Variants in ARHGAP42 observed in about 807,000 individuals in gnomAD.
ARHGAP42 encodes Rho GTPase activating protein 42.
Under a neutral mutation model 125.0 loss-of-function variants are expected in ARHGAP42, and 63 were observed. The ratio of observed to expected loss-of-function variants is 0.50; its 90% CI spans 0.41 to 0.62. ARHGAP42 has a LOEUF of 0.62. Among genes scored for constraint, ARHGAP42 ranks in the 20% least tolerant of loss-of-function variants. The pLI, the probability that ARHGAP42 is intolerant of heterozygous loss-of-function variation, is 0.00. For synonymous variants in ARHGAP42, 339 were observed against 351.0 expected, an observed-to-expected ratio of 0.97 and a Z score of 0.38; for missense variants, 766 against 1,024.2, an observed-to-expected ratio of 0.75 and a Z score of 3.44.
intron 2 of ARHGAP42, among the ~76,000 whole-genome samples, chr11:100,771,531 T>C (rs930853914): frequency 6.6e-6 from 1 of 152,086 alleles, no homozygotes; most frequent in Non-Finnish European, 1.5e-5. Context: ...GGTGTAAAAA[T>C]ACAATACTAC....
At chr11:100,835,483 A>C (rs1591222404) in intron 3 of ARHGAP42, among the ~76,000 whole-genome samples, 1 of 152,034 alleles carries the variant, frequency 6.6e-6, no homozygotes, top group East Asian at 1.9e-4. Context: ...TAGCATTGTA[A>C]CTTTTCTAAA....
intron 1 of ARHGAP42, among the ~76,000 whole-genome samples, chr11:100,692,250 T>C (rs1861203426): frequency 6.6e-6 from 1 of 152,046 alleles, no homozygotes; most frequent in Non-Finnish European, 1.5e-5. Flanking sequence ...GACTCTTGTA[T>C]ACATTTAATT....
Position 100,915,696 on chromosome 11 carries a change from A to G in ARHGAP42, c.486+2143A>G, listed in dbSNP as rs144917788. Reference sequence around the variant, plus strand: ...CATGTTTAAGTGGAGGCTGGAGAAGATAATAGCATAGTAACATCCTCTCCC... The same window carrying G: ...CATGTTTAAGTGGAGGCTGGAGAAGGTAATAGCATAGTAACATCCTCTCCC... On this transcript the variant is annotated intron_variant, in intron 5 of 23. Transcript: ENST00000298815. 6.0e-3 allele frequency among the ~76,000 whole-genome samples: 911 copies of G among 152,286 alleles called. 5 individuals are homozygous for G. The highest frequency in any genetic ancestry group is 0.021 in the African/African-American group (871 of 41,570).
chr11:100,799,945 A>G (rs1374201393), intron 3 of ARHGAP42, among the ~76,000 whole-genome samples: 1 of 152,190 alleles, frequency 6.6e-6, no homozygotes, highest in Admixed American at 6.5e-5. Context: ...AGGAGTGGTT[A>G]TTTAATGTGC....
At position 100,794,075 on chromosome 11, in the gene ARHGAP42, C is replaced by CAAAAAAAAAAAA. The variant is rs869272420; in HGVS notation, c.251-1004_251-993dup. 2.7e-4 allele frequency among the ~76,000 whole-genome samples: 12 copies of CAAAAAAAAAAAA among 44,844 alleles called. 1 individual carries two copies. Among genetic ancestry groups the CAAAAAAAAAAAA allele is most frequent in the Non-Finnish European group, 4.3e-4 (10 of 23,314 alleles). 29.4% of individuals were successfully genotyped at this position (44,844 alleles called of 152,430 possible). A position where few individuals can be genotyped will look rare whatever the true frequency, so the allele number is the denominator to read the frequency against. On this transcript the variant is annotated intron_variant, in intron 2 of 23. Transcript: ENST00000298815. ...CGAACAACAGAGCTAGACCCTGTCT[C>CAAAAAAAAAAAA]AAAAAAAAAAAAAAAAAAAAAAAAA...
At chr11:100,834,132 G>A (rs1864726838) in intron 3 of ARHGAP42, among the ~76,000 whole-genome samples, 1 of 152,104 alleles carries the variant, frequency 6.6e-6, no homozygotes, top group African/African-American at 2.4e-5. Flanking sequence ...ACAGTTATAT[G>A]AAATACATTC....
intron 22 of ARHGAP42, 119 bp downstream of exon 22, chr11:100,979,168 G>T: frequency 2.2e-6 from 2 of 928,826 alleles, no homozygotes; most frequent in Non-Finnish European, 1.7e-6. Flanking sequence ...TCAAATTTAA[G>T]TCCACTGGCC....
chr11:100,794,311 C>T (rs946754004), intron 2 of ARHGAP42, among the ~76,000 whole-genome samples: 2 of 151,988 alleles, frequency 1.3e-5, no homozygotes, highest in South Asian at 2.1e-4. Context: ...TTTTTATTTG[C>T]TCCCACAATG....
intron 1 of ARHGAP42, among the ~76,000 whole-genome samples, chr11:100,751,704 C>T (rs1056597125): frequency 6.7e-6 from 1 of 148,718 alleles, no homozygotes; most frequent in Admixed American, 6.7e-5. Context: ...ACCAGGCCAG[C>T]AGGGAAGTGA....
intron 3 of ARHGAP42, among the ~76,000 whole-genome samples, chr11:100,845,458 C>T (rs2055735709): frequency 6.6e-6 from 1 of 151,896 alleles, no homozygotes; most frequent in African/African-American, 2.4e-5. Flanking sequence ...AAAGAACTTA[C>T]TAATGTAACC....
At chr11:100,898,683 T>G (rs780814149) in intron 4 of ARHGAP42, among the ~76,000 whole-genome samples, 4 of 152,184 alleles carry the variant, frequency 2.6e-5, no homozygotes, top group Non-Finnish European at 5.9e-5. Flanking sequence ...AGGTCGGTGG[T>G]GATATCCTCT....
intron 3 of ARHGAP42, among the ~76,000 whole-genome samples, chr11:100,848,555 G>A (rs1462308229): frequency 6.6e-6 from 1 of 151,272 alleles, no homozygotes; most frequent in Non-Finnish European, 1.5e-5. Context: ...CCAGGCTGGA[G>A]TGCAGTGGCA....
Position 100,989,904 on chromosome 11 carries a change from A to C in ARHGAP42, c.*1103A>C, listed in dbSNP as rs1373794108. ...ATAAACACAAAGGTACAAGATCCTT[A>C]AATTATTTTGAACCACAGAGGTTGA... On this transcript the variant is annotated 3_prime_UTR_variant, in exon 24 of 24. Coordinates refer to ENST00000298815, the MANE Select transcript of ARHGAP42 (RefSeq NM_152432.4). 1 of 152,228 alleles carries C rather than the reference A, an allele frequency of 6.6e-6. No homozygotes were observed. The highest frequency in any genetic ancestry group is 1.9e-4 in the East Asian group (1 of 5,202). The allele number at this position is 152,228 out of a possible 1,614,324, so 9.4% of individuals were successfully genotyped here.
intron 2 of ARHGAP42, among the ~76,000 whole-genome samples, chr11:100,780,493 C>T (rs1591176299): frequency 6.6e-6 from 1 of 152,142 alleles, no homozygotes; most frequent in East Asian, 1.9e-4. Flanking sequence ...TGGATATGGG[C>T]AGAACAGTGA....
At chr11:100,755,543 G>A (rs185627468) in intron 1 of ARHGAP42, among the ~76,000 whole-genome samples, 1 of 152,300 alleles carries the variant, frequency 6.6e-6, no homozygotes, top group African/African-American at 2.4e-5. Context: ...ATTGCACACA[G>A]TTCCACTGAT....
chr11:100,954,201 G>C (rs930213020), intron 12 of ARHGAP42, among the ~76,000 whole-genome samples: 1 of 151,948 alleles, frequency 6.6e-6, no homozygotes, highest in African/African-American at 2.4e-5. Flanking sequence ...TTCAACCCTG[G>C]GTCTGGAGAA....
chr11:100,978,854 A>T, intron 21 of ARHGAP42, 133 bp from the exon 22 acceptor site: 1 of 808,938 alleles, frequency 1.2e-6, no homozygotes, highest in Non-Finnish European at 2.0e-6. Flanking sequence ...TAAAACAATT[A>T]AAATTCCCTT....
intron 1 of ARHGAP42, among the ~76,000 whole-genome samples, chr11:100,751,249 A>G (rs1862445024): frequency 2.7e-4 from 1 of 3,642 alleles, no homozygotes; most frequent in Non-Finnish European, 5.3e-4. Context: ...ATGTATGTGT[A>G]TGTGTGTTAT....
chr11:100,941,700 A>T, intron 8 of ARHGAP42, 84 bp from the exon 9 acceptor site: 2 of 740,200 alleles, frequency 2.7e-6, no homozygotes, highest in Non-Finnish European at 4.4e-6. Flanking sequence ...AATCGGTTGT[A>T]TATCATAGCA....
Sources: gnomAD v4.1 joint callset for allele counts (sites outside exome capture counted in the v4.1 genomes callset) on GRCh38, gnomAD v4.1.1 for gene constraint, MANE v1.5 for transcripts, NCBI Gene and HGNC (gene_info 2026-07-23, HGNC 2026-07-21) for gene names.